The following DISC1 variants were observed in gnomAD, a reference collection of about 807,000 sequenced individuals.
DISC1 encodes the protein DISC1 scaffold protein.
Under a neutral mutation model 84.5 loss-of-function variants are expected in DISC1, and 57 were observed. The ratio of observed to expected loss-of-function variants is 0.67; its 90% CI spans 0.55 to 0.84. The LOEUF is 0.84. Ranked by LOEUF, DISC1 falls within the 40% of genes least tolerant of loss-of-function variation. DISC1 has a pLI of 0.00. For synonymous variants in DISC1, 411 were observed against 415.2 expected, an observed-to-expected ratio of 0.99 and a Z score of 0.12; for missense variants, 1,000 against 1,057.8, an observed-to-expected ratio of 0.95 and a Z score of 0.76.
At chr1:231,919,449 G>A (rs1043288973) in intron 9 of DISC1, among the ~76,000 whole-genome samples, 3 of 152,222 alleles carry the variant, frequency 2.0e-5, no homozygotes, top group African/African-American at 7.2e-5. Flanking sequence ...GCGTAGCTGA[G>A]TTTCTCCCAG....
intron 9 of DISC1, among the ~76,000 whole-genome samples, chr1:231,915,107 C>T (rs2089517116): frequency 6.6e-6 from 1 of 152,142 alleles, no homozygotes; most frequent in Admixed American, 6.5e-5. Flanking sequence ...TTGTTTTTGA[C>T]GTTATAGTTG....
At chr1:231,691,133 G>T (rs995070516) in intron 1 of DISC1, among the ~76,000 whole-genome samples, 1 of 152,028 alleles carries the variant, frequency 6.6e-6, no homozygotes, top group East Asian at 1.9e-4. Context: ...TTTAGAAAAG[G>T]CTACTCAGGG....
chr1:231,898,167 C>A (rs1167127775), intron 9 of DISC1, among the ~76,000 whole-genome samples: 2 of 152,176 alleles, frequency 1.3e-5, no homozygotes, highest in Non-Finnish European at 2.9e-5. Flanking sequence ...TCATTTATAA[C>A]CTTGACCTCC....
rs143905932 is a variant in DISC1 at position 231,736,906 on chromosome 1, C to G, written c.1118-13020C>G. On this transcript the variant is annotated intron_variant, in intron 3 of 12. Coordinates refer to ENST00000439617, the MANE Select transcript of DISC1 (RefSeq NM_018662.3). ...GCAGACACAACAAGGAAGTGGGAAT[C>G]GAATCTATTTAGCAGGATGTCTTTA... Among the ~76,000 whole-genome samples the G allele has an allele frequency of 5.3e-3, 803 of 152,308 alleles. 2 individuals carry two copies. Among genetic ancestry groups the G allele is most frequent in the Non-Finnish European group, 8.0e-3 (544 of 68,022 alleles).
At position 231,789,332 on chromosome 1, in the gene DISC1, A is replaced by G. The variant is rs116694797; in HGVS notation, c.1635-5910A>G. Among the ~76,000 whole-genome samples, 735 of 152,314 alleles carry G rather than the reference A, an allele frequency of 4.8e-3. 2 individuals carry two copies. Among genetic ancestry groups the G allele is most frequent in the South Asian group, 0.018 (87 of 4,824 alleles). ...CCTCTGTGGCCAGGGTGGAGTAAGC[A>G]AAGAAGGGAGCTGTAGGAGAGGAGG... On this transcript the variant is annotated intron_variant, in intron 6 of 12. Transcript: ENST00000439617.
At chr1:232,032,194 G>A (rs908088406) in intron 12 of DISC1, among the ~76,000 whole-genome samples, 4 of 152,168 alleles carry the variant, frequency 2.6e-5, no homozygotes, top group African/African-American at 9.7e-5. Flanking sequence ...GATTTGGGAT[G>A]CTCAACTTGT....
chr1:231,919,597 G>A (rs991081214), intron 9 of DISC1, among the ~76,000 whole-genome samples: 4 of 152,106 alleles, frequency 2.6e-5, no homozygotes, highest in African/African-American at 9.7e-5. Context: ...TGGCTATAGT[G>A]CCTCACCGAG....
At chr1:231,834,183 A>G (rs2082450668) in intron 9 of DISC1, among the ~76,000 whole-genome samples, 1 of 152,182 alleles carries the variant, frequency 6.6e-6, no homozygotes, top group South Asian at 2.1e-4. Context: ...TCATGGAACG[A>G]AACTGTAAGC....
chr1:231,753,886 T>C (rs758295261), intron 4 of DISC1, among the ~76,000 whole-genome samples: 7 of 152,190 alleles, frequency 4.6e-5, no homozygotes, highest in Admixed American at 1.3e-4. Flanking sequence ...TAATCTCAAG[T>C]TCAAAGATCC....
intron 1 of DISC1, among the ~76,000 whole-genome samples, chr1:231,679,985 T>C (rs944722354): frequency 6.6e-6 from 1 of 152,208 alleles, no homozygotes; most frequent in Non-Finnish European, 1.5e-5. Context: ...CCCAGCACTT[T>C]GGGAGGCCGA....
chr1:231,643,251 A>G (rs1195642718), intron 1 of DISC1, among the ~76,000 whole-genome samples: 1 of 152,214 alleles, frequency 6.6e-6, no homozygotes, highest in African/African-American at 2.4e-5. Flanking sequence ...ACTCATAGAA[A>G]AACCCACAGG....
At chr1:231,676,787 A>C (rs1343221468) in intron 1 of DISC1, among the ~76,000 whole-genome samples, 2 of 152,244 alleles carry the variant, frequency 1.3e-5, no homozygotes, top group Non-Finnish European at 2.9e-5. Flanking sequence ...CCTCAGCAAG[A>C]GCTAACTCCA....
chr1:231,712,955 T>C (rs1449624589), intron 3 of DISC1, among the ~76,000 whole-genome samples: 1 of 152,158 alleles, frequency 6.6e-6, no homozygotes, highest in Non-Finnish European at 1.5e-5. Context: ...TAGAAATCCA[T>C]GCATATACTT....
At chr1:231,951,337 A>G (rs987413476) in intron 9 of DISC1, among the ~76,000 whole-genome samples, 1 of 152,200 alleles carries the variant, frequency 6.6e-6, no homozygotes, top group Non-Finnish European at 1.5e-5. Flanking sequence ...GTGTGGGATC[A>G]TGTAGTCCAT....
chr1:231,854,271 A>G (rs2084104136), intron 9 of DISC1, among the ~76,000 whole-genome samples: 1 of 152,200 alleles, frequency 6.6e-6, no homozygotes, highest in African/African-American at 2.4e-5. Flanking sequence ...GTGAGCATGA[A>G]ATCCTATTCT....
chr1:231,906,508 T>C (rs1172859600), intron 9 of DISC1, among the ~76,000 whole-genome samples: 1 of 152,164 alleles, frequency 6.6e-6, no homozygotes, highest in East Asian at 1.9e-4. Context: ...CCAGGGTGAA[T>C]ATAGGTGTTT....
At chr1:231,994,069 G>C (rs1665585057) in intron 10 of DISC1, among the ~76,000 whole-genome samples, 1 of 152,192 alleles carries the variant, frequency 6.6e-6, no homozygotes, top group South Asian at 2.1e-4. Flanking sequence ...TTATATCTTA[G>C]TTTCTTCACC....
chr1:231,652,129 G>GTA (rs201286745), intron 1 of DISC1, among the ~76,000 whole-genome samples: 2,516 of 152,260 alleles, frequency 0.017, 24 homozygotes, highest in Middle Eastern at 0.068. Context: ...AGATAAACAG[G>GTA]TACCTCAGTT....
rs141703623 is a variant in DISC1 at position 231,633,095 on chromosome 1, G to A, written c.67+6161G>A. On this transcript the variant is annotated intron_variant, in intron 1 of 12. Transcript: ENST00000439617. The stretch of plus-strand genomic sequence containing the variant: ...AAAAAACAAACAAACAAAAAACCAC[G>A]TAGATTTTCAAGTAATTACTATTGT... Among the ~76,000 whole-genome samples, 36 of 152,046 alleles carry A rather than the reference G, an allele frequency of 2.4e-4. No individual in the cohort carries two copies. In the Middle Eastern group the frequency reaches 0.014, roughly 58 times the overall value.
Sources: allele counts gnomAD v4.1 joint callset (sites outside exome capture counted in the v4.1 genomes callset), GRCh38; gene constraint gnomAD v4.1.1; transcripts MANE v1.5; gene names NCBI Gene and HGNC (gene_info 2026-07-23, HGNC 2026-07-21).